The following SPTLC3 variants were observed in gnomAD, a reference collection of about 807,000 sequenced individuals.
SPTLC3 encodes the protein serine palmitoyltransferase long chain base subunit 3, also known as serine palmitoyltransferase 3.
A neutral mutation model predicts 59.3 loss-of-function variants in SPTLC3; 36 were observed. That is an observed-to-expected ratio of 0.61 (90% CI 0.47 to 0.80). The LOEUF is 0.80. Ranked by LOEUF, SPTLC3 falls within the 30% of genes least tolerant of loss-of-function variation. The probability of loss-of-function intolerance (pLI) is 0.00; values close to 1 mark genes in which losing one functional copy is unlikely to be tolerated. For synonymous variants in SPTLC3, 257 were observed against 240.8 expected (o/e 1.07, Z -0.62); for missense variants, 625 against 685.1 (o/e 0.91, Z 0.98).
intron 6 of SPTLC3, among the ~76,000 whole-genome samples, chr20:13,105,204 C>G (rs1399126234): frequency 6.6e-6 from 1 of 152,054 alleles, no homozygotes; most frequent in Non-Finnish European, 1.5e-5. Flanking sequence ...CGAGCGCAGT[C>G]TTCCCTTTTC....
At chr20:13,105,008 T>A (rs190510849) in intron 6 of SPTLC3, among the ~76,000 whole-genome samples, 92 of 152,136 alleles carry the variant, frequency 6.0e-4, no homozygotes, top group African/African-American at 1.6e-3. Flanking sequence ...ATCATTATTT[T>A]AAAAAAAATC....
chr20:13,125,869 G>A (rs1390341800), intron 8 of SPTLC3, among the ~76,000 whole-genome samples: 1 of 152,194 alleles, frequency 6.6e-6, no homozygotes, highest in African/African-American at 2.4e-5. Context: ...TCCGCCTTTT[G>A]ATGGAAGCAA....
chr20:13,132,440 G>T (rs2038142628), intron 9 of SPTLC3, among the ~76,000 whole-genome samples: 1 of 152,044 alleles, frequency 6.6e-6, no homozygotes, highest in Non-Finnish European at 1.5e-5. Context: ...GCCTCCCAAA[G>T]TACTGGGATT....
Position 13,166,912 on chromosome 20 carries a change from A to C in SPTLC3, c.*2045A>C, listed in dbSNP as rs558583512. The C allele has an allele frequency of 6.6e-6, 1 of 152,272 alleles. No homozygotes were observed. The highest frequency in any genetic ancestry group is 1.9e-4 in the East Asian group (1 of 5,184). The allele number at this position is 152,272 out of a possible 1,614,324, so 9.4% of individuals were successfully genotyped here. ...ATTCATTGTGGGAAACTACTTACCT[A>C]CCCAGCATGGAAGGCAGGGAGGAAG... On this transcript the variant is annotated 3_prime_UTR_variant, in exon 12 of 12. Coordinates refer to ENST00000399002, the MANE Select transcript of SPTLC3 (RefSeq NM_018327.4).
At chr20:13,068,986 CAG>C (rs1988336734) in intron 2 of SPTLC3, among the ~76,000 whole-genome samples, 1 of 152,132 alleles carries the variant, frequency 6.6e-6, no homozygotes, top group Non-Finnish European at 1.5e-5. Flanking sequence ...AGTCAGGAGG[CAG>C]AGAGGTTAGA....
chr20:13,016,249 GAAAA>G (rs1367532302), intron 1 of SPTLC3, among the ~76,000 whole-genome samples: 11 of 152,094 alleles, frequency 7.2e-5, no homozygotes, highest in South Asian at 2.1e-4. Flanking sequence ...AGAAAAGAAA[GAAAA>G]GTCCATTTTC....
chr20:13,073,557 A>G (rs6041841), intron 3 of SPTLC3: 50,406 of 175,572 alleles, frequency 0.29, 7,506 homozygotes, highest in Middle Eastern at 0.35. Flanking sequence ...TTCCTAAGAA[A>G]GACAATGATA....
At chr20:13,156,599 G>A (rs1484677850) in intron 10 of SPTLC3, among the ~76,000 whole-genome samples, 1 of 152,160 alleles carries the variant, frequency 6.6e-6, no homozygotes, top group Non-Finnish European at 1.5e-5. Context: ...TAAACAAAAT[G>A]ATGTCCATAC....
intron 2 of SPTLC3, among the ~76,000 whole-genome samples, chr20:13,061,418 T>C (rs1987969815): frequency 6.6e-6 from 1 of 152,190 alleles, no homozygotes; most frequent in South Asian, 2.1e-4. Context: ...TACCTGCTAT[T>C]GTGCTCATAT....
chr20:13,081,159 G>T (rs931577982), intron 4 of SPTLC3, among the ~76,000 whole-genome samples: 4 of 152,134 alleles, frequency 2.6e-5, no homozygotes, highest in Admixed American at 6.5e-5. Context: ...GCTCCCTCCC[G>T]CCTTTGCCAC....
intron 7 of SPTLC3, among the ~76,000 whole-genome samples, chr20:13,111,886 T>A (rs1990252130): frequency 6.6e-6 from 1 of 152,140 alleles, no homozygotes; most frequent in Non-Finnish European, 1.5e-5. Context: ...CTGGCAAATA[T>A]TCCCATCAGC....
At chr20:13,119,747 A>G (rs961784227) in intron 8 of SPTLC3, among the ~76,000 whole-genome samples, 5 of 152,212 alleles carry the variant, frequency 3.3e-5, no homozygotes. Context: ...TCGTTAGCCT[A>G]CGCTGAGATC....
intron 4 of SPTLC3, among the ~76,000 whole-genome samples, chr20:13,084,408 C>T (rs982404533): frequency 2.6e-5 from 4 of 152,282 alleles, no homozygotes; most frequent in East Asian, 1.9e-4. Context: ...GAAAAAGCCA[C>T]GGAATTGTGA....
At chr20:13,026,609 C>T (rs1243140413) in intron 1 of SPTLC3, among the ~76,000 whole-genome samples, 3 of 152,084 alleles carry the variant, frequency 2.0e-5, no homozygotes, top group Non-Finnish European at 2.9e-5. Flanking sequence ...AGCATCAATA[C>T]GTCTTCAAAT....
intron 1 of SPTLC3, among the ~76,000 whole-genome samples, chr20:13,009,648 G>T (rs1195340543): frequency 6.6e-6 from 1 of 152,166 alleles, no homozygotes; most frequent in Non-Finnish European, 1.5e-5. Context: ...GTACCTACTA[G>T]ACTTTTGTCT....
chr20:13,012,819 T>C (rs1188813640), intron 1 of SPTLC3, among the ~76,000 whole-genome samples: 2 of 152,172 alleles, frequency 1.3e-5, no homozygotes, highest in Non-Finnish European at 2.9e-5. Context: ...TTTTTCAGTA[T>C]GTTCTAGGAA....
chr20:13,158,558 A>G (rs1222628423), intron 10 of SPTLC3, among the ~76,000 whole-genome samples: 3 of 152,202 alleles, frequency 2.0e-5, no homozygotes, highest in Admixed American at 6.5e-5. Flanking sequence ...CTTGTTTCTC[A>G]GACAATTATG....
rs1382013212 is a variant in SPTLC3 at position 13,160,090 on chromosome 20, G to A, written c.1503G>A (p.Arg501=). 6.2e-7 allele frequency: 1 copy of A among 1,613,924 alleles called. No homozygotes were observed. The highest frequency in any genetic ancestry group is 2.2e-5 in the East Asian group (1 of 44,850). The change falls in exon 11 of 12, where the codon CGG becomes CGA. Residue 501 remains arginine (R), a synonymous_variant. Transcript: ENST00000399002. Reference sequence around the variant, plus strand: ...CTCCCCTCGCAGAAGCTCGGGCTCGGTTTTGTGTTTCAGCGGCACATACCC... The same window carrying A: ...CTCCCCTCGCAGAAGCTCGGGCTCGATTTTGTGTTTCAGCGGCACATACCC... ...PATPLAEARA[R]FCVSAAHTRE...
Position 13,160,002 on chromosome 20 carries a change from G to A in SPTLC3, c.1416-1G>A, listed in dbSNP as rs6041924. ...TTTTTCTTTTTTTGCTTTTCCTTAA[G>A]GGCTTTTGCAAGGCATATGCTAGAG... On this transcript the variant is annotated splice_acceptor_variant, in intron 10 of 11. Transcript: ENST00000399002. LOFTEE classifies it high-confidence loss of function. 3.0e-5 allele frequency: 48 copies of A among 1,591,766 alleles called. No homozygotes were observed. Among genetic ancestry groups the A allele is most frequent in the African/African-American group, 8.2e-5 (6 of 73,460 alleles).
Sources: allele counts gnomAD v4.1 joint callset (sites outside exome capture counted in the v4.1 genomes callset), GRCh38; gene constraint gnomAD v4.1.1; transcripts MANE v1.5; gene names NCBI Gene and HGNC (gene_info 2026-07-23, HGNC 2026-07-21).